SYTL3: variants seen among roughly 807,000 people sequenced by gnomAD.
SYTL3 encodes the protein synaptotagmin like 3, also known as synaptotagmin-like protein 3.
A neutral mutation model predicts 82.1 loss-of-function variants in SYTL3; 88 were observed. That is an observed-to-expected ratio of 1.07 (90% CI 0.90 to 1.28). SYTL3 has a LOEUF of 1.28. Among genes scored for constraint, SYTL3 ranks in the 50% most tolerant of loss-of-function variants. SYTL3 has a pLI of 0.00. For missense variants in SYTL3, 831 were observed against 757.6 expected, an observed-to-expected ratio of 1.10 and a Z score of -1.14; for synonymous variants, 311 against 289.4, an observed-to-expected ratio of 1.07 and a Z score of -0.76.
intron 6 of SYTL3, among the ~76,000 whole-genome samples, chr6:158,699,991 C>T (rs529541157): frequency 7.1e-4 from 108 of 151,810 alleles, no homozygotes; most frequent in Non-Finnish European, 1.4e-3. Flanking sequence ...TGCAGTGGCT[C>T]ACGCCTGCAA....
In SYTL3 at chr6:158,736,334, A is replaced by G. The variant is rs1443381256; in HGVS notation, c.856-9146A>G. Among the ~76,000 whole-genome samples the G allele has an allele frequency of 9.9e-5, 15 of 151,628 alleles. No homozygotes were observed. In the South Asian group the frequency reaches 3.1e-3, roughly 32 times the overall value. Reference sequence around the variant, plus strand: ...CCACTGCACTCCAGCCTGGGCGACAAAGCGAGACTCCTGTCTCAAAAAAAG... The same window carrying G: ...CCACTGCACTCCAGCCTGGGCGACAGAGCGAGACTCCTGTCTCAAAAAAAG... On this transcript the variant is annotated intron_variant, in intron 11 of 17. Transcript: ENST00000611299.
At chr6:158,746,450 A>ATTATTATTAT (rs1554263734) in intron 12 of SYTL3, among the ~76,000 whole-genome samples, 176 of 63,674 alleles carry the variant, frequency 2.8e-3, no homozygotes, top group Middle Eastern at 0.024. Context: ...TATAATAATA[A>ATTATTATTAT]TAATAATAAT....
Position 158,753,936 on chromosome 6 carries a change from AACACC to A in SYTL3, c.1137+1907_1137+1911del, listed in dbSNP as rs1380382928. ...ATTGATCCTAAATGCAAAATAACCC[AACACC>A]GGCCAGCCTCATCCTTAATAGAAAT... On this transcript the variant is annotated intron_variant, in intron 13 of 17. Coordinates refer to ENST00000611299, the MANE Select transcript of SYTL3 (RefSeq NM_001242394.2). Among the ~76,000 whole-genome samples, 27 of 152,064 alleles carry A rather than the reference AACACC, an allele frequency of 1.8e-4. 1 individual carries two copies. Among genetic ancestry groups the A allele is most frequent in the East Asian group, 1.7e-3 (9 of 5,176 alleles).
intron 2 of SYTL3, among the ~76,000 whole-genome samples, chr6:158,660,322 G>GAT (rs1562343260): frequency 6.6e-6 from 1 of 152,162 alleles, no homozygotes; most frequent in Non-Finnish European, 1.5e-5. Context: ...AGCGCCTGGG[G>GAT]TGTTCAATAA....
intron 2 of SYTL3, among the ~76,000 whole-genome samples, chr6:158,654,281 G>A (rs540003142): frequency 1.3e-3 from 198 of 152,106 alleles, no homozygotes; most frequent in Non-Finnish European, 2.5e-3. Flanking sequence ...GGCTGGGATG[G>A]GTCCTTCTTA....
chr6:158,663,366 A>C lies in SYTL3; in HGVS notation c.98A>C (p.Glu33Ala). Residue 33 changes from glutamate to alanine, a missense_variant, in exon 4 of 18, where the codon GAG (glutamate) becomes GCG (alanine). Physicochemically the swap from Glu to Ala is moderately radical, Grantham distance 107. Transcript: ENST00000611299. ...YRDQAVQNTE[E>A]ERTRKLKTHL... is the part of the protein sequence containing the mutation. ...GACCAGGCGGTTCAAAACACAGAGG[A>C]GGAGAGGACACGGTAGGCTGCCCTT... is the stretch of plus-strand genomic sequence containing the variant. 6.2e-7 allele frequency: 1 copy of C among 1,613,356 alleles called. No individual in the cohort carries two copies. Among genetic ancestry groups the C allele is most frequent in the Non-Finnish European group, 8.5e-7 (1 of 1,179,860 alleles).
At chr6:158,760,563 C>T in intron 14 of SYTL3, 77 bp from the exon 15 acceptor site, 1 of 1,304,858 alleles carries the variant, frequency 7.7e-7, no homozygotes, top group Non-Finnish European at 1.1e-6. Flanking sequence ...GTGGACGAAG[C>T]TGAGACAACC....
intron 6 of SYTL3, among the ~76,000 whole-genome samples, chr6:158,688,126 C>G (rs906633910): frequency 5.9e-5 from 9 of 152,186 alleles, no homozygotes; most frequent in Admixed American, 2.6e-4. Context: ...ATTGATGACT[C>G]CATAAAATAC....
intron 12 of SYTL3, among the ~76,000 whole-genome samples, chr6:158,747,679 G>T (rs1018494085): frequency 2.0e-5 from 3 of 152,046 alleles, no homozygotes; most frequent in Admixed American, 6.6e-5. Flanking sequence ...TAGAGACAGG[G>T]TTTTGTTCTG....
At chr6:158,711,088 G>A (rs373549843) in intron 8 of SYTL3, among the ~76,000 whole-genome samples, 1 of 152,132 alleles carries the variant, frequency 6.6e-6, no homozygotes, top group Non-Finnish European at 1.5e-5. Context: ...CCAGGTCTAC[G>A]CATTTTGTAA....
chr6:158,681,298 G>A (rs190095429), intron 5 of SYTL3, among the ~76,000 whole-genome samples: 11 of 152,196 alleles, frequency 7.2e-5, no homozygotes, highest in South Asian at 2.1e-4. Flanking sequence ...ATGTTAGGAC[G>A]TCAGTTTGGA....
intron 8 of SYTL3, among the ~76,000 whole-genome samples, chr6:158,711,209 T>C (rs1275216613): frequency 6.6e-6 from 1 of 152,226 alleles, no homozygotes; most frequent in Non-Finnish European, 1.5e-5. Flanking sequence ...TACCATTCAT[T>C]ATTAAATAAC....
intron 6 of SYTL3, among the ~76,000 whole-genome samples, chr6:158,689,500 A>G (rs1422631004): frequency 6.6e-6 from 1 of 152,124 alleles, no homozygotes; most frequent in African/African-American, 2.4e-5. Context: ...CTTCTTTATA[A>G]TTTTGTTTTT....
At chr6:158,732,964 A>G (rs995041993) in intron 11 of SYTL3, among the ~76,000 whole-genome samples, 1 of 151,910 alleles carries the variant, frequency 6.6e-6, no homozygotes, top group Non-Finnish European at 1.5e-5. Context: ...GAAAAAAAAA[A>G]AAAACACTGT....
At chr6:158,746,456 A>ATTATTATTATTATTATTAT (rs1554263756) in intron 12 of SYTL3, among the ~76,000 whole-genome samples, 2,214 of 138,538 alleles carry the variant, frequency 0.016, 40 homozygotes, top group Non-Finnish European at 0.023. Context: ...AATAATAATA[A>ATTATTATTATTATTATTAT]TAATATTATT....
At chr6:158,686,194 G>A (rs1490943003) in intron 6 of SYTL3, among the ~76,000 whole-genome samples, 3 of 152,200 alleles carry the variant, frequency 2.0e-5, no homozygotes, top group Admixed American at 2.0e-4. Context: ...AAAGAGGTGA[G>A]ACTGATGTCT....
intron 6 of SYTL3, among the ~76,000 whole-genome samples, chr6:158,703,144 ACT>A (rs1250628401): frequency 7.5e-6 from 1 of 133,230 alleles, no homozygotes; most frequent in Non-Finnish European, 1.6e-5. Flanking sequence ...ACAGAGCAAG[ACT>A]CTGTCTTAAA....
chr6:158,715,599 T>TCACACACATACACACACACACACA (rs1783278487), intron 9 of SYTL3, among the ~76,000 whole-genome samples: 1 of 116,442 alleles, frequency 8.6e-6, no homozygotes, highest in African/African-American at 3.6e-5. Context: ...TGAAACCGCA[T>TCACACACATACACACACACACACA]CACACACACA....
chr6:158,673,368 T>C lies in SYTL3; in HGVS notation c.329+7755T>C, dbSNP rs563683500. Among the ~76,000 whole-genome samples the C allele has an allele frequency of 8.5e-4, 130 of 152,256 alleles. 1 individual carries two copies. The highest frequency in any genetic ancestry group is 2.8e-3 in the African/African-American group (117 of 41,552). ...TTTTTATTTCGGTTTAACTCAGTCA[T>C]GCTTTCCTCAGTCAAGTCTGATTGT... is the stretch of plus-strand genomic sequence containing the variant. On this transcript the variant is annotated intron_variant, in intron 5 of 17. Transcript: ENST00000611299.
Sources: gnomAD v4.1 joint callset for allele counts (sites outside exome capture counted in the v4.1 genomes callset) on GRCh38, gnomAD v4.1.1 for gene constraint, MANE v1.5 for transcripts, NCBI Gene and HGNC (gene_info 2026-07-23, HGNC 2026-07-21) for gene names.